The following TENM1 variants were observed in gnomAD, a reference collection of about 807,000 sequenced individuals.
The protein encoded by TENM1 is teneurin-1.
In TENM1, 35 loss-of-function variants were observed where a neutral mutation model predicts 174.8. That is an observed-to-expected ratio of 0.20 (90% CI 0.15 to 0.27). TENM1 has a LOEUF of 0.27. TENM1 is among the 10% of genes least tolerant of loss of function. The probability of loss-of-function intolerance (pLI) is 1.00; values close to 1 mark genes in which losing one functional copy is unlikely to be tolerated. For synonymous variants in TENM1, 781 were observed against 798.7 expected (o/e 0.98, Z 0.37); for missense variants, 1,633 against 2,130.1 (o/e 0.77, Z 4.59).
intron 3 of TENM1, among the ~76,000 whole-genome samples, chrX:124,827,237 G>T (rs1231815150): frequency 9.0e-6 from 1 of 111,298 alleles, no homozygotes; most frequent in Non-Finnish European, 1.9e-5. Context: ...TTTTAGTAGA[G>T]ACGGGGTTTC....
chrX:125,164,456 G>C, the TENM1 span, among the ~76,000 whole-genome samples: 4 of 111,581 alleles, frequency 3.6e-5, no homozygotes, highest in Non-Finnish European at 5.7e-5. Flanking sequence ...TCAAGATCCA[G>C]TGTCTCAACT....
At chrX:124,839,535 T>C (rs564913804) in intron 3 of TENM1, among the ~76,000 whole-genome samples, 6 of 111,630 alleles carry the variant, frequency 5.4e-5, no homozygotes, top group Middle Eastern at 9.3e-3. Flanking sequence ...CGTGTGTGTG[T>C]TTAGAAAAGA....
rs1372894675 is a variant in TENM1 at position 124,671,689 on chromosome X, T to C, written c.1162A>G (p.Lys388Glu). 2.5e-6 allele frequency: 3 copies of C among 1,206,949 alleles called. No individual in the cohort carries two copies. The East Asian group carries it at 8.9e-5, about 36-fold the overall frequency. The change falls in exon 6 of 32, where the codon AAA becomes GAA. Residue 388 changes from lysine to glutamate, a missense_variant. Around this residue, in one of 4 missense-constraint regions of TENM1, gnomAD observed 305 missense variants for 309.2 expected, o/e 0.99. Coordinates refer to ENST00000422452, the Ensembl canonical transcript of TENM1. The stretch of plus-strand genomic sequence containing the variant: ...ATCATTTTGATCACTGTACCTTTTT[T>C]CTCTGATTTATCAGAAACTTTTCCT...
chrX:124,601,624 G>C (rs1178565432), intron 11 of TENM1, among the ~76,000 whole-genome samples: 1 of 111,140 alleles, frequency 9.0e-6, no homozygotes, highest in African/African-American at 3.3e-5. Flanking sequence ...GAGGAATACA[G>C]TAATATTTCC....
chrX:124,663,683 G>T lies in TENM1; in HGVS notation c.1168+8000C>A, dbSNP rs141593414. Among the ~76,000 whole-genome samples the T allele has an allele frequency of 4.7e-4, 52 of 110,276 alleles. No homozygotes were observed. The East Asian group carries it at 0.011, about 24-fold the overall frequency. On this transcript the variant is annotated intron_variant, in intron 6 of 31. Coordinates refer to ENST00000422452, the Ensembl canonical transcript of TENM1. Reference sequence around the variant, plus strand: ...CCACTTAGTGACCCTGTCAGATGCAGACTGTTAGACTAGAGGGACCACAAG... The same window carrying T: ...CCACTTAGTGACCCTGTCAGATGCATACTGTTAGACTAGAGGGACCACAAG...
chrX:124,757,095 G>C (rs1287605195), intron 3 of TENM1, among the ~76,000 whole-genome samples: 2 of 112,643 alleles, frequency 1.8e-5, no homozygotes, highest in African/African-American at 6.4e-5. Flanking sequence ...TGCCCCCAGA[G>C]GTGGAGCCTA....
intron 1 of TENM1, among the ~76,000 whole-genome samples, chrX:124,959,072 G>A (rs1421373050): frequency 9.0e-6 from 1 of 111,312 alleles, no homozygotes; most frequent in African/African-American, 3.3e-5. Context: ...AAAATAATGA[G>A]TTAGGCTCAA....
intron 3 of TENM1, among the ~76,000 whole-genome samples, chrX:124,739,963 T>C (rs192877055): frequency 1.2e-3 from 135 of 111,961 alleles, no homozygotes; most frequent in Middle Eastern, 4.6e-3. Context: ...GACAGAGAAG[T>C]AGGTTTTCCC....
chrX:125,184,920 G>A, the TENM1 span, among the ~76,000 whole-genome samples: 8,470 of 111,203 alleles, frequency 0.076, 763 homozygotes, highest in African/African-American at 0.26. Flanking sequence ...ATTTTCTCAC[G>A]TAGTCCACCT....
intron 11 of TENM1, among the ~76,000 whole-genome samples, chrX:124,612,041 G>A (rs2050288986): frequency 8.9e-6 from 1 of 111,933 alleles, no homozygotes; most frequent in South Asian, 3.7e-4. Context: ...TTGGATTGTG[G>A]CTGGAAGGAA....
chrX:125,134,734 T>G, the TENM1 span, among the ~76,000 whole-genome samples: 19 of 112,378 alleles, frequency 1.7e-4, no homozygotes, highest in African/African-American at 6.1e-4. Flanking sequence ...GTCTCTGTAA[T>G]TCTCTTGGCA....
At chrX:124,591,480 A>G (rs1267859125) in intron 11 of TENM1, among the ~76,000 whole-genome samples, 2 of 111,805 alleles carry the variant, frequency 1.8e-5, no homozygotes, top group African/African-American at 6.5e-5. Context: ...TTCACTTATG[A>G]AGCATAGTTT....
chrX:124,828,394 A>G (rs1179642669), intron 3 of TENM1, among the ~76,000 whole-genome samples: 4 of 112,424 alleles, frequency 3.6e-5, no homozygotes, highest in African/African-American at 1.3e-4. Context: ...TATAGTTGTT[A>G]TTATATTGTT....
At chrX:124,382,601 T>C (rs2060171609) in intron 31 of TENM1, 69 bp downstream of exon 34, 11 of 1,035,642 alleles carry the variant, frequency 1.1e-5, no homozygotes, top group Admixed American at 5.6e-5. Context: ...CATATGTATA[T>C]ATAATTTCTG....
chrX:124,416,051 ACTGT>A (rs2060590614), intron 25 of TENM1, among the ~76,000 whole-genome samples: 1 of 111,461 alleles, frequency 9.0e-6, no homozygotes, highest in South Asian at 3.8e-4. Flanking sequence ...TTCTTTACTC[ACTGT>A]CTCAGTCTCT....
At chrX:124,723,038 A>T (rs1265497231) in intron 4 of TENM1, among the ~76,000 whole-genome samples, 1 of 110,480 alleles carries the variant, frequency 9.1e-6, no homozygotes, top group African/African-American at 3.3e-5. Flanking sequence ...CACTCACAGC[A>T]CTATCCTGAT....
chrX:124,870,648 T>A (rs964778488), intron 3 of TENM1, among the ~76,000 whole-genome samples: 2 of 109,511 alleles, frequency 1.8e-5, no homozygotes, highest in South Asian at 7.9e-4. Context: ...GAAGTGTGCC[T>A]CAAGTATTTT....
At chrX:124,967,597 C>T (rs1394275221), upstream of TENM1, among the ~76,000 whole-genome samples, 4 of 111,334 alleles carry the variant, frequency 3.6e-5, no homozygotes, top group South Asian at 1.5e-3. Context: ...GTATTTCCTC[C>T]CTCCCAAAAT....
chrX:124,563,410 A>G (rs2843526), intron 13 of TENM1, among the ~76,000 whole-genome samples: 21,918 of 103,855 alleles, frequency 0.21, 1,642 homozygotes, highest in South Asian at 0.42. Context: ...TAATTATTAA[A>G]TTATTAAAAA....
Sources: allele counts gnomAD v4.1 joint callset (sites outside exome capture counted in the v4.1 genomes callset), GRCh38; gene constraint gnomAD v4.1.1; regional missense constraint gnomAD v4.1.1; transcripts MANE v1.5; gene names NCBI Gene and HGNC (gene_info 2026-07-23, HGNC 2026-07-21).